Variants in EDNRB observed in about 807,000 individuals in gnomAD.
The protein encoded by EDNRB is endothelin receptor type B.
A neutral mutation model predicts 46.4 loss-of-function variants in EDNRB; 18 were observed. That is an observed-to-expected ratio of 0.39 (90% CI 0.27 to 0.57). The LOEUF (loss-of-function observed/expected upper bound fraction) is 0.57. Ranked by LOEUF, EDNRB falls within the 20% of genes least tolerant of loss-of-function variation. The probability of loss-of-function intolerance (pLI) is 0.61; values close to 1 mark genes in which losing one functional copy is unlikely to be tolerated. For missense variants in EDNRB, 434 were observed against 537.5 expected (o/e 0.81, Z 1.90); for synonymous variants, 213 against 204.9 (o/e 1.04, Z -0.34).
chr13:77,926,789 T>C (rs1398131270), intron 1 of EDNRB, among the ~76,000 whole-genome samples: 1 of 152,188 alleles, frequency 6.6e-6, no homozygotes, highest in East Asian at 1.9e-4. Context: ...ATGCTGCTGA[T>C]AAAGATATAC....
chr13:77,918,333 G>C lies in EDNRB; in HGVS notation c.241C>G (p.Pro81Ala). 6.2e-7 allele frequency: 1 copy of C among 1,613,932 alleles called. No individual in the cohort carries two copies. The highest frequency in any genetic ancestry group is 1.3e-5 in the African/African-American group (1 of 74,990). Residue 81 changes from proline (P) to alanine (A), a missense_variant, in exon 1 of 7, where the codon CCG becomes GCG. By Grantham distance (27) the Pro-to-Ala change is conservative. Transcript: ENST00000646607. The surrounding 1 kb of genome is among the most constrained non-coding windows in gnomAD (Gnocchi z 4.5). The stretch of plus-strand genomic sequence containing the variant: ...GGGGGAGGGGAGATGGTGCGTGGCG[G>C]AGATCCTGCCGTCCTGTCTCCTTTA... ...VPKGDRTAGS[P>A]PRTISPPPCQ...
intron 1 of EDNRB, among the ~76,000 whole-genome samples, chr13:77,946,035 A>G (rs577614632): frequency 6.6e-5 from 10 of 152,304 alleles, no homozygotes; most frequent in African/African-American, 9.6e-5. Context: ...AAAATTTACC[A>G]TGCCGTGAAT....
At chr13:77,936,551 T>C (rs912570773) in intron 1 of EDNRB, among the ~76,000 whole-genome samples, 7 of 152,228 alleles carry the variant, frequency 4.6e-5, no homozygotes, top group East Asian at 3.8e-4. Flanking sequence ...TGTGATGGTC[T>C]TGTAGGCTTC....
intron 1 of EDNRB, among the ~76,000 whole-genome samples, chr13:77,951,458 T>G (rs1881086293): frequency 6.6e-6 from 1 of 152,122 alleles, no homozygotes; most frequent in Non-Finnish European, 1.5e-5. Context: ...GATGGAGCCT[T>G]CAATGCTTTT....
chr13:77,944,620 T>A (rs908828117), intron 1 of EDNRB, among the ~76,000 whole-genome samples: 4 of 152,136 alleles, frequency 2.6e-5, no homozygotes, highest in African/African-American at 9.7e-5. Context: ...AAGAGCTGTA[T>A]AGTTCAAAGA....
chr13:77,922,636 A>G (rs1455256549), upstream of EDNRB, among the ~76,000 whole-genome samples: 1 of 152,232 alleles, frequency 6.6e-6, no homozygotes, highest in Admixed American at 6.5e-5. Flanking sequence ...AAGTGACTGC[A>G]AAAGTCAATA....
chr13:77,913,576 G>A (rs998361487), intron 1 of EDNRB, among the ~76,000 whole-genome samples: 2 of 152,110 alleles, frequency 1.3e-5, no homozygotes, highest in African/African-American at 2.4e-5. Flanking sequence ...CTTTAACTCA[G>A]TTATCCATGT....
intron 1 of EDNRB, among the ~76,000 whole-genome samples, chr13:77,956,124 G>A (rs554698163): frequency 7.9e-5 from 12 of 152,194 alleles, no homozygotes; most frequent in Middle Eastern, 3.4e-3. Context: ...TAGTATGGAC[G>A]TTTTAACAAT....
chr13:77,903,648 A>C, intron 1 of EDNRB, 41 bp from the exon 2 acceptor site: 14 of 1,538,404 alleles, frequency 9.1e-6, no homozygotes, highest in Non-Finnish European at 1.3e-5. Context: ...GGGGTTTCAT[A>C]AGATGCCCTC....
Position 77,897,756 on chromosome 13 carries a change from T to C in EDNRB, c.*444A>G. 1 of 986,804 alleles carries C rather than the reference T, an allele frequency of 1.0e-6. No individual in the cohort carries two copies. The highest frequency in any genetic ancestry group is 5.9e-5 in the Admixed American group (1 of 17,056). The allele number at this position is 986,804 out of a possible 1,614,324, so 61.1% of individuals were successfully genotyped here. On this transcript the variant is annotated 3_prime_UTR_variant, in exon 7 of 7. Coordinates refer to ENST00000646607, the MANE Select transcript of EDNRB (RefSeq NM_001122659.3). ...AATTGAAAAGTTGTTTTAAAGGATTTTAAAATTTTAAATTGAGTAATTTAA... is the reference window on the plus strand; with the variant it reads ...AATTGAAAAGTTGTTTTAAAGGATTCTAAAATTTTAAATTGAGTAATTTAA...
chr13:77,954,298 A>G (rs1881171570), intron 1 of EDNRB, among the ~76,000 whole-genome samples: 1 of 152,036 alleles, frequency 6.6e-6, no homozygotes, highest in African/African-American at 2.4e-5. Flanking sequence ...CCCTTCTCCC[A>G]TTCTCTGGTA....
chr13:77,914,304 C>T (rs979753138), intron 1 of EDNRB, among the ~76,000 whole-genome samples: 16 of 152,192 alleles, frequency 1.1e-4, no homozygotes, highest in Non-Finnish European at 1.2e-4. Context: ...CATACACACA[C>T]ATACACACAT....
chr13:77,975,033 T>C (rs764893800), intron 1 of EDNRB, among the ~76,000 whole-genome samples: 5 of 152,112 alleles, frequency 3.3e-5, no homozygotes, highest in Non-Finnish European at 7.4e-5. Flanking sequence ...TTTTACAGTT[T>C]ACACCAAACA....
rs142036203 is a variant in EDNRB at position 77,971,246 on chromosome 13, C to A, written c.-52+4101G>T. On this transcript the variant is annotated intron_variant, in intron 1 of 7. Transcript: ENST00000646948. Reference sequence around the variant, plus strand: ...GATGTTGGGATTTTCACAGAGCAAGCTTTGGTTATCTAGTTAGTCTAGCAT... The same window carrying A: ...GATGTTGGGATTTTCACAGAGCAAGATTTGGTTATCTAGTTAGTCTAGCAT... 2.1e-4 allele frequency among the ~76,000 whole-genome samples: 32 copies of A among 152,282 alleles called. 1 individual carries two copies. Among genetic ancestry groups the A allele is most frequent in the African/African-American group, 6.5e-4 (27 of 41,546 alleles).
chr13:77,923,270 T>C (rs1333132727), upstream of EDNRB, among the ~76,000 whole-genome samples: 1 of 152,238 alleles, frequency 6.6e-6, no homozygotes, highest in African/African-American at 2.4e-5. Flanking sequence ...ACTTATAACT[T>C]AAGTAATTTT....
At chr13:77,934,274 A>C (rs1465044517) in intron 1 of EDNRB, among the ~76,000 whole-genome samples, 1 of 152,172 alleles carries the variant, frequency 6.6e-6, no homozygotes, top group Non-Finnish European at 1.5e-5. Context: ...AAGTGGTAAA[A>C]GTATTGTGCA....
intron 1 of EDNRB, among the ~76,000 whole-genome samples, chr13:77,954,667 T>C (rs1327883500): frequency 6.6e-6 from 1 of 151,820 alleles, no homozygotes; most frequent in African/African-American, 2.4e-5. Context: ...CCACGACACA[T>C]GGCTAATTTT....
chr13:77,919,052 G>A (rs1879974946), upstream of EDNRB: 3 of 529,104 alleles, frequency 5.7e-6, no homozygotes, highest in Non-Finnish European at 8.2e-6. Context: ...TGCCCCGCAG[G>A]GGAACCTCTA....
chr13:77,937,564 A>G (rs1482685231), intron 1 of EDNRB, among the ~76,000 whole-genome samples: 1 of 152,154 alleles, frequency 6.6e-6, no homozygotes, highest in East Asian at 1.9e-4. Context: ...GATAGAGAAA[A>G]AGGTACTTGT....
Sources: gnomAD v4.1 joint callset for allele counts (sites outside exome capture counted in the v4.1 genomes callset) on GRCh38, gnomAD v4.1.1 for gene constraint, Gnocchi (gnomAD v3.1) non-coding constraint, MANE v1.5 for transcripts, NCBI Gene and HGNC (gene_info 2026-07-23, HGNC 2026-07-21) for gene names.